ALDH8A1: variants seen among roughly 807,000 people sequenced by gnomAD.
ALDH8A1 encodes the protein 2-aminomuconic semialdehyde dehydrogenase.
A neutral mutation model predicts 43.3 loss-of-function variants in ALDH8A1; 39 were observed. That is an observed-to-expected ratio of 0.90 (90% confidence interval 0.70 to 1.18). The LOEUF (loss-of-function observed/expected upper bound fraction) is 1.18. ALDH8A1 is among the 50% of genes most tolerant of loss of function. The pLI, the probability that ALDH8A1 is intolerant of heterozygous loss-of-function variation, is 0.00. For missense variants in ALDH8A1, 605 were observed against 622.6 expected, an observed-to-expected ratio of 0.97 and a Z score of 0.30; for synonymous variants, 233 against 243.5, an observed-to-expected ratio of 0.96 and a Z score of 0.40.
chr6:134,943,899 C>A lies in ALDH8A1; in HGVS notation c.206G>T (p.Arg69Leu), dbSNP rs142480439. Reference protein sequence around the residue: ...PSWSSRSPQERSRVLNQVADL... With the variant: ...PSWSSRSPQELSRVLNQVADL... ...CGCCACCTGGTTCAGGACCCGTGAG[C>A]GCTCCTGGGGGCTGCGGGATGACCA... Residue 69 changes from arginine to leucine, a missense_variant, in exon 2 of 7, where the codon CGC becomes CTC. Physicochemically the swap from Arg to Leu is moderately radical, Grantham distance 102. Coordinates refer to ENST00000265605, the MANE Select transcript of ALDH8A1 (RefSeq NM_022568.4). 5 of 1,614,116 alleles carry A rather than the reference C, an allele frequency of 3.1e-6. No individual in the cohort carries two copies. In the African/African-American group the frequency reaches 5.3e-5, roughly 17 times the overall value.
intron 6 of ALDH8A1, among the ~76,000 whole-genome samples, chr6:134,919,983 G>C (rs1288876628): frequency 6.6e-6 from 1 of 152,168 alleles, no homozygotes; most frequent in Non-Finnish European, 1.5e-5. Flanking sequence ...ACCATGGCTT[G>C]CTGCAGCCTT....
intron 4 of ALDH8A1, 36 bp downstream of exon 4, chr6:134,939,230 C>CT: frequency 6.2e-7 from 1 of 1,609,572 alleles, no homozygotes; most frequent in Middle Eastern, 1.7e-4. Context: ...TTTGCTCCAA[C>CT]TCTGTGCCTG....
chr6:134,943,686 G>A, intron 2 of ALDH8A1, 133 bp downstream of exon 2: 1 of 1,364,326 alleles, frequency 7.3e-7, no homozygotes, highest in Non-Finnish European at 9.9e-7. Flanking sequence ...CTGGAGCAGG[G>A]GAGGGTTTGC....
rs3813342 is a variant in ALDH8A1, at chr6:134,942,419, C to A, written c.432G>T (p.Pro144=). 0.077 allele frequency: 123,511 copies of A among 1,608,110 alleles called. 7,667 individuals carry two copies. The highest frequency in any genetic ancestry group is 0.25 in the East Asian group (11,269 of 44,716). ...CTGAACAGCACTCACCGACTCCCAC[C>A]GGGGCCCGCACCGTGTAGTGCATGC... The part of the protein sequence containing the change: ...LGCMHYTVRA[P]VGVAGLISPW... The change falls in exon 3 of 7, where the codon CCG becomes CCT. Residue 144 remains proline, a synonymous_variant. Coordinates refer to ENST00000265605, the MANE Select transcript of ALDH8A1 (RefSeq NM_022568.4).
At chr6:134,939,236 G>A in intron 4 of ALDH8A1, 30 bp downstream of exon 4, 1 of 1,610,142 alleles carries the variant, frequency 6.2e-7, no homozygotes, top group Non-Finnish European at 8.5e-7. Context: ...CCAACTCTGT[G>A]CCTGCCCCCC....
intron 5 of ALDH8A1, among the ~76,000 whole-genome samples, chr6:134,929,739 T>A (rs1776949556): frequency 6.6e-6 from 1 of 151,874 alleles, no homozygotes; most frequent in Non-Finnish European, 1.5e-5. Context: ...AGAGAGGAGG[T>A]CAGGAGGCCA....
intron 4 of ALDH8A1, among the ~76,000 whole-genome samples, chr6:134,935,983 G>A (rs915224197): frequency 1.2e-4 from 18 of 146,324 alleles, no homozygotes; most frequent in African/African-American, 4.1e-4. Flanking sequence ...ATGGAGTCTC[G>A]CTCTGTCACC....
chr6:134,922,340 C>T (rs1272254237), intron 6 of ALDH8A1, among the ~76,000 whole-genome samples: 11 of 152,168 alleles, frequency 7.2e-5, no homozygotes, highest in Admixed American at 7.2e-4. Context: ...AACTTGGCTG[C>T]TGATAAGTAC....
intron 6 of ALDH8A1, among the ~76,000 whole-genome samples, chr6:134,921,857 C>A (rs1776804476): frequency 6.6e-6 from 1 of 152,170 alleles, no homozygotes; most frequent in South Asian, 2.1e-4. Flanking sequence ...CTCCTCCAGC[C>A]CAGATGGTTT....
chr6:134,930,138 A>G (rs184509359), intron 5 of ALDH8A1, among the ~76,000 whole-genome samples: 1 of 152,324 alleles, frequency 6.6e-6, no homozygotes, highest in East Asian at 1.9e-4. Context: ...GACAGAACCA[A>G]CAGGACCTGT....
intron 6 of ALDH8A1, among the ~76,000 whole-genome samples, chr6:134,919,357 A>T (rs1459711740): frequency 6.6e-6 from 1 of 152,204 alleles, no homozygotes; most frequent in Non-Finnish European, 1.5e-5. Flanking sequence ...GAAGAGAAAG[A>T]TGTGTAAGAT....
chr6:134,948,105 C>T (rs1355947999), intron 1 of ALDH8A1, among the ~76,000 whole-genome samples: 1 of 152,092 alleles, frequency 6.6e-6, no homozygotes, highest in Non-Finnish European at 1.5e-5. Context: ...TGCACCAACA[C>T]GATTTGAGCT....
Position 134,950,049 on chromosome 6 carries a change from G to C in ALDH8A1, c.5C>G (p.Ala2Gly). 6.2e-7 allele frequency: 1 copy of C among 1,609,294 alleles called. No homozygotes were observed. The change falls in exon 1 of 7, where the codon GCT becomes GGT. Residue 2 changes from alanine to glycine, a missense_variant. By Grantham distance (60) the Ala-to-Gly change is moderately conservative. Coordinates refer to ENST00000265605, the MANE Select transcript of ALDH8A1 (RefSeq NM_022568.4). ...CAGCATCAAAAGTGCGTTTGTTCCA[G>C]CCATAGCAAGGAAAAATTCTGCCTT... M[A>G]GTNALLMLEN... is the part of the protein sequence containing the mutation.
chr6:134,918,212 T>G lies in ALDH8A1; in HGVS notation c.*203A>C. ...ATTGTTCTATCTTCCTACTTATAAG[T>G]CTTTTTTTCCGAGTCCACATTGAAA... On this transcript the variant is annotated 3_prime_UTR_variant, in exon 7 of 7. Transcript: ENST00000265605. 1.7e-6 allele frequency: 1 copy of G among 575,744 alleles called. No individual in the cohort carries two copies. Among genetic ancestry groups the G allele is most frequent in the Non-Finnish European group, 3.0e-6 (1 of 328,198 alleles). 35.7% of individuals were successfully genotyped at this position (575,744 alleles called of 1,614,324 possible).
intron 4 of ALDH8A1, among the ~76,000 whole-genome samples, chr6:134,936,610 T>G (rs1019370032): frequency 6.6e-6 from 1 of 152,202 alleles, no homozygotes; most frequent in African/African-American, 2.4e-5. Flanking sequence ...CAGAGTAGCA[T>G]TTTAACTGAG....
At chr6:134,926,348 C>T (rs760406338) in intron 6 of ALDH8A1, among the ~76,000 whole-genome samples, 5 of 151,680 alleles carry the variant, frequency 3.3e-5, no homozygotes, top group South Asian at 2.1e-4. Context: ...TACAGGCGTG[C>T]GCCACAAGTG....
rs761930780 is a variant in ALDH8A1, at chr6:134,918,590, C to A, written c.1289G>T (p.Arg430Leu). 1.9e-6 allele frequency: 3 copies of A among 1,614,186 alleles called. No homozygotes were observed. Among genetic ancestry groups the A allele is most frequent in the Non-Finnish European group, 2.5e-6 (3 of 1,180,038 alleles). Residue 430 changes from arginine (R) to leucine (L), a missense_variant, in exon 7 of 7, where the codon CGC (arginine) becomes CTC (leucine). Arg to Leu is a moderately radical substitution (Grantham distance 102). Coordinates refer to ENST00000265605, the MANE Select transcript of ALDH8A1 (RefSeq NM_022568.4). ...AATVWSSNVG[R>L]VHRVAKKLQS... ...CAGCTTCTTAGCCACCCGGTGGACG[C>A]GCCCCACATTGCTGGACCACACGGT...
At chr6:134,922,846 CA>C (rs1176025217) in intron 6 of ALDH8A1, among the ~76,000 whole-genome samples, 1 of 151,916 alleles carries the variant, frequency 6.6e-6, no homozygotes, top group Non-Finnish European at 1.5e-5. Context: ...AGCAGAAAAT[CA>C]AAAGTAGTTG....
chr6:134,933,522 C>T (rs1773665574), intron 4 of ALDH8A1, among the ~76,000 whole-genome samples: 1 of 152,078 alleles, frequency 6.6e-6, no homozygotes, highest in Non-Finnish European at 1.5e-5. Context: ...CAAGACTCCC[C>T]AGGGAGGGTG....
Sources: gnomAD v4.1 joint callset for allele counts (sites outside exome capture counted in the v4.1 genomes callset) on GRCh38, gnomAD v4.1.1 for gene constraint, MANE v1.5 for transcripts, NCBI Gene and HGNC (gene_info 2026-07-23, HGNC 2026-07-21) for gene names.